The following ADAM32 variants were observed in gnomAD, a reference collection of about 807,000 sequenced individuals.
ADAM32 encodes ADAM metallopeptidase domain 32.
In ADAM32, 89 loss-of-function variants were observed where a neutral mutation model predicts 114.9. That is an observed-to-expected ratio of 0.77 (90% CI 0.65 to 0.92). ADAM32 has a LOEUF of 0.92. Ranked by LOEUF, ADAM32 falls within the 40% of genes least tolerant of loss-of-function variation. The probability of loss-of-function intolerance (pLI) is 0.00; values close to 1 mark genes in which losing one functional copy is unlikely to be tolerated. For synonymous variants in ADAM32, 285 were observed against 307.5 expected (o/e 0.93, Z 0.77); for missense variants, 870 against 932.8 (o/e 0.93, Z 0.88).
rs186301605 is a variant in ADAM32 at position 39,239,114 on chromosome 8, G to C, written c.1818+5032G>C. ...CAAGAAGATCATCATCTAGGCACAT[G>C]GTCATCAGGTTATTTAAAGTAAAGA... On this transcript the variant is annotated intron_variant, in intron 16 of 24. Transcript: ENST00000379907. 5.3e-5 allele frequency among the ~76,000 whole-genome samples: 8 copies of C among 152,148 alleles called. No individual in the cohort carries two copies. The East Asian group carries it at 1.5e-3, about 29-fold the overall frequency.
At chr8:39,204,625 A>G (rs7826829) in intron 11 of ADAM32, among the ~76,000 whole-genome samples, 108,378 of 152,102 alleles carry the variant, frequency 0.71, 38,800 homozygotes, top group Middle Eastern at 0.79. Flanking sequence ...CCTTCTCTCA[A>G]CTCATCAAAG....
chr8:39,249,800 G>A (rs541323213), intron 17 of ADAM32, among the ~76,000 whole-genome samples: 27 of 152,084 alleles, frequency 1.8e-4, no homozygotes, highest in Non-Finnish European at 2.9e-4. Flanking sequence ...TCAAAGGCAT[G>A]TCTACTGGTG....
chr8:39,165,074 G>C lies in ADAM32; in HGVS notation c.711G>C (p.Glu237Asp). The change falls in exon 9 of 25, where the codon GAG becomes GAC. Residue 237 changes from glutamate to aspartate, a missense_variant. Physicochemically the swap from Glu to Asp is conservative, Grantham distance 45. Coordinates refer to ENST00000379907, the MANE Select transcript of ADAM32 (RefSeq NM_145004.7). Reference sequence around the variant, plus strand: ...TTACTATTGTGCTGTCATCATTGGAGTTATGGTCAGATGAAAATAAGATTT... The same window carrying C: ...TTACTATTGTGCTGTCATCATTGGACTTATGGTCAGATGAAAATAAGATTT... ...FKVTIVLSSL[E>D]LWSDENKIST... 6.2e-7 allele frequency: 1 copy of C among 1,609,450 alleles called. No homozygotes were observed. Among genetic ancestry groups the C allele is most frequent in the Non-Finnish European group, 8.5e-7 (1 of 1,177,902 alleles).
intron 14 of ADAM32, among the ~76,000 whole-genome samples, chr8:39,230,472 C>G (rs902741542): frequency 6.6e-6 from 1 of 152,146 alleles, no homozygotes; most frequent in Non-Finnish European, 1.5e-5. Flanking sequence ...TGCTTTGTGA[C>G]CAAACATATT....
At chr8:39,170,710 A>G (rs1805133445) in intron 10 of ADAM32, among the ~76,000 whole-genome samples, 1 of 152,000 alleles carries the variant, frequency 6.6e-6, no homozygotes, top group Non-Finnish European at 1.5e-5. Context: ...ATTTTGATTG[A>G]TATATATATC....
At position 39,171,757 on chromosome 8, in the gene ADAM32, C is replaced by T. The variant is rs189999912; in HGVS notation, c.915+1760C>T. ...ACTGTAGACAATATTGGTAATATTACATTTGATATGTTGAGTCCACTCTCT... is the reference window on the plus strand; with the variant it reads ...ACTGTAGACAATATTGGTAATATTATATTTGATATGTTGAGTCCACTCTCT... On this transcript the variant is annotated intron_variant, in intron 10 of 24. Coordinates refer to ENST00000379907, the MANE Select transcript of ADAM32 (RefSeq NM_145004.7). 3.4e-3 allele frequency among the ~76,000 whole-genome samples: 514 copies of T among 151,444 alleles called. 7 individuals carry two copies. Among genetic ancestry groups the T allele is most frequent in the African/African-American group, 0.011 (470 of 41,416 alleles).
chr8:39,118,052 G>A (rs1252909766), intron 1 of ADAM32, 34 bp from the exon 2 acceptor site: 2 of 1,277,264 alleles, frequency 1.6e-6, no homozygotes, highest in Admixed American at 6.2e-5. Context: ...ATTAAGGCAA[G>A]GTTACTAACT....
intron 6 of ADAM32, among the ~76,000 whole-genome samples, chr8:39,155,374 G>C (rs915667773): frequency 6.6e-6 from 1 of 152,226 alleles, no homozygotes; most frequent in Non-Finnish European, 1.5e-5. Context: ...TGGATGCATA[G>C]AGCAAAGTGG....
chr8:39,130,759 T>C (rs1244987032), intron 2 of ADAM32: 3 of 379,744 alleles, frequency 7.9e-6, no homozygotes, highest in South Asian at 2.0e-5. Context: ...AAATGTACTT[T>C]TGTGACTTCA....
upstream of ADAM32, chr8:39,107,570 G>C: frequency 1.5e-6 from 2 of 1,373,786 alleles, no homozygotes; most frequent in Non-Finnish European, 1.9e-6. Flanking sequence ...GCCGGGAAGG[G>C]AGCTGGATGT....
chr8:39,139,489 G>T (rs564359920), intron 3 of ADAM32, among the ~76,000 whole-genome samples: 4 of 152,234 alleles, frequency 2.6e-5, no homozygotes, highest in Admixed American at 2.6e-4. Flanking sequence ...GGTTGTAGAT[G>T]TGTGGTGTTA....
At chr8:39,254,245 T>TTG (rs1218242200) in intron 17 of ADAM32, among the ~76,000 whole-genome samples, 169 bp from the exon 18 acceptor site, 2 of 150,744 alleles carry the variant, frequency 1.3e-5, no homozygotes, top group East Asian at 1.9e-4. Context: ...TTTTTTTGCT[T>TTG]TGTGTGTGTG....
chr8:39,208,690 T>C (rs1388864864), intron 11 of ADAM32, among the ~76,000 whole-genome samples: 1 of 152,190 alleles, frequency 6.6e-6, no homozygotes, highest in East Asian at 1.9e-4. Flanking sequence ...AGTTTTTTCC[T>C]TCAGGACTTG....
intron 19 of ADAM32, among the ~76,000 whole-genome samples, chr8:39,267,950 C>T (rs1003281752): frequency 2.6e-5 from 4 of 152,102 alleles, no homozygotes; most frequent in South Asian, 2.1e-4. Context: ...CCAGGGCAGG[C>T]GGACACAGTG....
chr8:39,160,603 G>T (rs1219269057), intron 6 of ADAM32, among the ~76,000 whole-genome samples: 1 of 142,408 alleles, frequency 7.0e-6, no homozygotes, highest in African/African-American at 2.6e-5. Flanking sequence ...TAAAGCAAAA[G>T]TTTATTTCTG....
chr8:39,111,370 A>G (rs1318555321), intron 1 of ADAM32, among the ~76,000 whole-genome samples: 1 of 152,214 alleles, frequency 6.6e-6, no homozygotes, highest in Non-Finnish European at 1.5e-5. Context: ...TCATGTAAAC[A>G]GTAGAATATG....
At chr8:39,271,054 T>C in intron 20 of ADAM32, 140 bp downstream of exon 20, 2 of 689,930 alleles carry the variant, frequency 2.9e-6, no homozygotes, top group Non-Finnish European at 4.8e-6. Context: ...ATATATAGTC[T>C]AATTTAGTTT....
At chr8:39,173,275 ACAAACAAAC>A (rs1564530386) in intron 10 of ADAM32, among the ~76,000 whole-genome samples, 1 of 152,104 alleles carries the variant, frequency 6.6e-6, no homozygotes, top group Non-Finnish European at 1.5e-5. Context: ...AAACAAGCAA[ACAAACAAAC>A]CAAACAAAAC....
At chr8:39,201,701 G>C (rs1807426891) in intron 11 of ADAM32, among the ~76,000 whole-genome samples, 1 of 152,190 alleles carries the variant, frequency 6.6e-6, no homozygotes, top group African/African-American at 2.4e-5. Flanking sequence ...TCCCTGTCTT[G>C]TGGCAGTTTT....
Sources: gnomAD v4.1 joint callset for allele counts (sites outside exome capture counted in the v4.1 genomes callset) on GRCh38, gnomAD v4.1.1 for gene constraint, MANE v1.5 for transcripts, NCBI Gene and HGNC (gene_info 2026-07-23, HGNC 2026-07-21) for gene names.